Variants in SIAH3 observed in about 807,000 individuals in gnomAD.
SIAH3 encodes the protein seven in absentia homolog 3.
A neutral mutation model predicts 12.6 loss-of-function variants in SIAH3; 9 were observed. That is an observed-to-expected ratio of 0.72 (90% confidence interval 0.43 to 1.25). The LOEUF (loss-of-function observed/expected upper bound fraction) is 1.25, where lower values mean the gene tolerates loss of function less well. Among genes scored for constraint, SIAH3 ranks in the 50% most tolerant of loss-of-function variants. SIAH3 has a pLI of 0.00. For synonymous variants in SIAH3, 154 were observed against 151.1 expected (o/e 1.02, Z -0.14); for missense variants, 390 against 365.4 (o/e 1.07, Z -0.55).
At chr13:45,804,991 CACACACACACACACACACAA>C (rs879289144) in intron 1 of SIAH3, among the ~76,000 whole-genome samples, 138 of 151,208 alleles carry the variant, frequency 9.1e-4, no homozygotes, top group Non-Finnish European at 1.5e-3. Flanking sequence ...CACACACACA[CACACACACACACACACACAA>C]AATACTTTGG....
chr13:45,828,851 T>C (rs999719161), intron 1 of SIAH3, among the ~76,000 whole-genome samples: 8 of 152,160 alleles, frequency 5.3e-5, no homozygotes, highest in Admixed American at 1.3e-4. Flanking sequence ...TCTAGACCCA[T>C]GTGTGGTTTA....
At position 45,784,024 on chromosome 13, in the gene SIAH3, C is replaced by G. The variant is rs369507335; in HGVS notation, c.169G>C (p.Ala57Pro). The change falls in exon 2 of 2, where the codon GCT (alanine) becomes CCT (proline). Residue 57 changes from alanine to proline, a missense_variant. Ala to Pro is a conservative substitution (Grantham distance 27). Coordinates refer to ENST00000400405, the MANE Select transcript of SIAH3 (RefSeq NM_198849.3). ...GGGTGGAAGCTGCCTTGCTCTGGAGCGCTCTGAGTGACGGCGCGCCGACTG... is the reference window on the plus strand; with the variant it reads ...GGGTGGAAGCTGCCTTGCTCTGGAGGGCTCTGAGTGACGGCGCGCCGACTG... The part of the protein sequence containing the change: ...VSSRRAVTQS[A>P]PEQGSFHPHH... 6.2e-7 allele frequency: 1 copy of G among 1,601,734 alleles called. No homozygotes were observed. The highest frequency in any genetic ancestry group is 1.3e-5 in the African/African-American group (1 of 74,858).
intron 1 of SIAH3, among the ~76,000 whole-genome samples, chr13:45,796,451 G>A (rs747486841): frequency 6.6e-6 from 1 of 152,098 alleles, no homozygotes. Context: ...CAGTAGCTAG[G>A]GGGATTGGAG....
chr13:45,794,587 C>T (rs759941873), intron 1 of SIAH3, among the ~76,000 whole-genome samples: 3 of 152,136 alleles, frequency 2.0e-5, no homozygotes, highest in East Asian at 3.9e-4. Context: ...CTTTTGATAG[C>T]GAATAAGTCT....
chr13:45,818,023 C>G (rs1353800310), intron 1 of SIAH3, among the ~76,000 whole-genome samples: 1 of 152,186 alleles, frequency 6.6e-6, no homozygotes, highest in African/African-American at 2.4e-5. Flanking sequence ...GTTCCTGCAA[C>G]TCTGTGCCCT....
At chr13:45,830,543 C>T (rs1468698321) in intron 1 of SIAH3, among the ~76,000 whole-genome samples, 4 of 152,242 alleles carry the variant, frequency 2.6e-5, no homozygotes, top group Non-Finnish European at 5.9e-5. Flanking sequence ...GGTTTTACAA[C>T]ACTGAGGTCA....
intron 1 of SIAH3, among the ~76,000 whole-genome samples, chr13:45,830,828 T>A (rs928465960): frequency 4.1e-4 from 33 of 79,652 alleles, no homozygotes; most frequent in African/African-American, 2.4e-3. Flanking sequence ...GAGAAAGTAC[T>A]AACCAAAAAA....
intron 1 of SIAH3, among the ~76,000 whole-genome samples, chr13:45,812,923 T>C (rs912499601): frequency 6.6e-6 from 1 of 152,236 alleles, no homozygotes; most frequent in African/African-American, 2.4e-5. Flanking sequence ...AGTCTCCTCC[T>C]GGGCTGGAAA....
chr13:45,850,960 CACA>C (rs1950778784), intron 1 of SIAH3, among the ~76,000 whole-genome samples: 1 of 136,550 alleles, frequency 7.3e-6, no homozygotes. Flanking sequence ...CACACACACA[CACA>C]CGAGTCTGAG....
chr13:45,794,803 C>G (rs1267178207), intron 1 of SIAH3, among the ~76,000 whole-genome samples: 3 of 152,154 alleles, frequency 2.0e-5, no homozygotes, highest in South Asian at 2.1e-4. Context: ...AGAGAATGAA[C>G]TAATACACAC....
At chr13:45,793,314 A>G (rs539701393) in intron 1 of SIAH3, among the ~76,000 whole-genome samples, 200 of 152,332 alleles carry the variant, frequency 1.3e-3, no homozygotes, top group African/African-American at 4.6e-3. Context: ...CCTCCAGGCC[A>G]CATGCCATCC....
rs1050463098 is a variant in SIAH3 at position 45,778,214 on chromosome 13, A to G, written c.*5169T>C. ...GCTTGCTGTGTCTCTTGAATGGTAG[A>G]TATTTCCAATTTCTAATTTCAAAGT... On this transcript the variant is annotated 3_prime_UTR_variant, in exon 2 of 2. Transcript: ENST00000400405. The G allele has an allele frequency of 1.6e-4, 25 of 152,214 alleles. No individual in the cohort carries two copies. Among genetic ancestry groups the G allele is most frequent in the African/African-American group, 6.0e-4 (25 of 41,466 alleles). The allele number at this position is 152,214 out of a possible 1,614,324, so 9.4% of individuals were successfully genotyped here. A position where few individuals can be genotyped will look rare whatever the true frequency, so the allele number is the denominator to read the frequency against.
chr13:45,819,064 G>A (rs762179886), intron 1 of SIAH3, among the ~76,000 whole-genome samples: 4 of 152,252 alleles, frequency 2.6e-5, no homozygotes, highest in South Asian at 2.1e-4. Context: ...CCAGAGCCAC[G>A]AAAAGGGCTC....
At chr13:45,830,903 G>C (rs949266528) in intron 1 of SIAH3, among the ~76,000 whole-genome samples, 1 of 152,156 alleles carries the variant, frequency 6.6e-6, no homozygotes, top group East Asian at 1.9e-4. Flanking sequence ...TGTTGGCAGG[G>C]CCTGGTAGCT....
rs747124131 is a variant in SIAH3 at position 45,783,853 on chromosome 13, A to G, written c.340T>C (p.Cys114Arg). The G allele has an allele frequency of 6.2e-7, 1 of 1,614,104 alleles. No individual in the cohort carries two copies. The highest frequency in any genetic ancestry group is 8.5e-7 in the Non-Finnish European group (1 of 1,180,010). ...PCLCMCPLFSCQWEGRLEVVV... is the reference protein window; with the variant it reads ...PCLCMCPLFSRQWEGRLEVVV... ...ACCTCCAGGCGGCCTTCCCACTGGC[A>G]GGAGAACAAGGGACACATGCACAGG... Residue 114 changes from cysteine (C) to arginine (R), a missense_variant, in exon 2 of 2, where the codon TGC becomes CGC. Cys to Arg is a radical substitution (Grantham distance 180). Coordinates refer to ENST00000400405, the MANE Select transcript of SIAH3 (RefSeq NM_198849.3).
chr13:45,799,126 G>A (rs1369662333), intron 1 of SIAH3, among the ~76,000 whole-genome samples: 2 of 152,160 alleles, frequency 1.3e-5, no homozygotes, highest in East Asian at 3.8e-4. Flanking sequence ...TTATAGACAG[G>A]CCTACAGGAT....
At chr13:45,785,600 C>T (rs777525508) in intron 1 of SIAH3, among the ~76,000 whole-genome samples, 5 of 152,252 alleles carry the variant, frequency 3.3e-5, no homozygotes, top group Non-Finnish European at 5.9e-5. Flanking sequence ...ATGACACATA[C>T]ATGTGCACAC....
chr13:45,850,902 C>G (rs1039496370), intron 1 of SIAH3, among the ~76,000 whole-genome samples: 1 of 143,792 alleles, frequency 7.0e-6, no homozygotes, highest in African/African-American at 2.6e-5. Flanking sequence ...AGGAAATAAG[C>G]CAAAATCCTC....
intron 1 of SIAH3, among the ~76,000 whole-genome samples, chr13:45,813,591 G>T (rs1950623682): frequency 1.3e-5 from 2 of 152,236 alleles, no homozygotes; most frequent in African/African-American, 2.4e-5. Context: ...AGTAATTGCA[G>T]TTTCTGCCAT....
Sources: allele counts gnomAD v4.1 joint callset (sites outside exome capture counted in the v4.1 genomes callset), GRCh38; gene constraint gnomAD v4.1.1; transcripts MANE v1.5; gene names NCBI Gene and HGNC (gene_info 2026-07-23, HGNC 2026-07-21).